PRORP: variants seen among roughly 807,000 people sequenced by gnomAD.
The protein encoded by PRORP is mitochondrial ribonuclease P catalytic subunit.
A neutral mutation model predicts 59.4 loss-of-function variants in PRORP; 51 were observed. The observed-to-expected ratio is 0.86, with a 90% confidence interval of 0.69 to 1.08. The LOEUF (loss-of-function observed/expected upper bound fraction) is 1.08, where lower values mean the gene tolerates loss of function less well. PRORP is among the 50% of genes least tolerant of loss of function. The pLI, the probability that PRORP is intolerant of heterozygous loss-of-function variation, is 0.00. For missense variants in PRORP, 646 were observed against 690.3 expected (o/e 0.94, Z 0.72); for synonymous variants, 231 against 245.6 (o/e 0.94, Z 0.55).
In PRORP at chr14:35,260,892, G is replaced by T. The variant is rs1053290017; in HGVS notation, c.1276-5835G>T. Among the ~76,000 whole-genome samples the T allele has an allele frequency of 3.9e-5, 6 of 152,290 alleles. No individual in the cohort carries two copies. The East Asian group carries it at 9.6e-4, about 24-fold the overall frequency. Reference sequence around the variant, plus strand: ...ATCCTCCTGCTTTACCCCGAAGTCTGTCTAGTCCTCCTGATTTCTGCAACA... The same window carrying T: ...ATCCTCCTGCTTTACCCCGAAGTCTTTCTAGTCCTCCTGATTTCTGCAACA... On this transcript the variant is annotated intron_variant, in intron 5 of 7. Coordinates refer to ENST00000534898, the MANE Select transcript of PRORP (RefSeq NM_014672.4).
intron 5 of PRORP, chr14:35,235,036 A>G (rs935406735): frequency 1.6e-5 from 6 of 374,704 alleles, no homozygotes; most frequent in African/African-American, 6.3e-5. Context: ...CTTAAGATAC[A>G]TCTTCACTGC....
intron 4 of PRORP, among the ~76,000 whole-genome samples, chr14:35,155,081 A>AG (rs1039717170): frequency 4.6e-5 from 7 of 152,134 alleles, no homozygotes; most frequent in Middle Eastern, 3.4e-3. Context: ...TTTTGTAGAG[A>AG]GGGGGTTTCA....
intron 5 of PRORP, among the ~76,000 whole-genome samples, chr14:35,190,576 G>T (rs2048858233): frequency 6.6e-6 from 1 of 151,766 alleles, no homozygotes; most frequent in African/African-American, 2.4e-5. Context: ...CATGATCTTG[G>T]CTCATTGCAA....
At chr14:35,203,262 A>G (rs2049203248) in intron 5 of PRORP, among the ~76,000 whole-genome samples, 1 of 152,166 alleles carries the variant, frequency 6.6e-6, no homozygotes. Context: ...TACTAATGAA[A>G]TTGGCACTTC....
intron 4 of PRORP, among the ~76,000 whole-genome samples, chr14:35,148,051 C>T (rs1318500541): frequency 1.3e-5 from 2 of 152,198 alleles, no homozygotes; most frequent in African/African-American, 2.4e-5. Context: ...AATTTTGAAT[C>T]CCTCCGAGTC....
intron 7 of PRORP, among the ~76,000 whole-genome samples, chr14:35,271,416 C>T (rs963769793): frequency 6.6e-6 from 1 of 151,988 alleles, no homozygotes; most frequent in Non-Finnish European, 1.5e-5. Context: ...CTCAGCCTCC[C>T]AAAGTGCTGG....
chr14:35,261,728 C>CA (rs948795661), intron 5 of PRORP, among the ~76,000 whole-genome samples: 40 of 145,878 alleles, frequency 2.7e-4, no homozygotes, highest in East Asian at 2.2e-3. Flanking sequence ...GACTCTGTCT[C>CA]AAAAAAAAAA....
intron 5 of PRORP, among the ~76,000 whole-genome samples, chr14:35,245,146 A>C (rs1051037818): frequency 6.6e-6 from 1 of 152,232 alleles, no homozygotes; most frequent in East Asian, 1.9e-4. Flanking sequence ...CAAACAGAAC[A>C]AGCTGCTGTT....
chr14:35,222,023 C>T (rs117150449), intron 5 of PRORP, among the ~76,000 whole-genome samples: 3 of 152,270 alleles, frequency 2.0e-5, no homozygotes, highest in Admixed American at 1.3e-4. Flanking sequence ...ACCATTTCCA[C>T]CTGAACGTAA....
At chr14:35,132,784 CAA>C (rs142694889) in intron 4 of PRORP, among the ~76,000 whole-genome samples, 91 of 72,472 alleles carry the variant, frequency 1.3e-3, no homozygotes, top group Admixed American at 1.9e-3. Flanking sequence ...GAGACTCCAT[CAA>C]AAAAAAAAAA....
At chr14:35,178,987 C>G (rs1028432622) in intron 4 of PRORP, among the ~76,000 whole-genome samples, 1 of 152,094 alleles carries the variant, frequency 6.6e-6, no homozygotes, top group African/African-American at 2.4e-5. Flanking sequence ...TTTTATTTCT[C>G]CTCCACTTAT....
chr14:35,154,574 A>G (rs903334950), intron 4 of PRORP, among the ~76,000 whole-genome samples: 1 of 152,186 alleles, frequency 6.6e-6, no homozygotes, highest in Non-Finnish European at 1.5e-5. Context: ...TCTAGAGCTC[A>G]CTACTAATTT....
chr14:35,200,539 C>T (rs1484640755), intron 5 of PRORP, among the ~76,000 whole-genome samples: 1 of 151,840 alleles, frequency 6.6e-6, no homozygotes, highest in Non-Finnish European at 1.5e-5. Flanking sequence ...TTTAGCATCT[C>T]CATTTCTTAT....
intron 5 of PRORP, among the ~76,000 whole-genome samples, chr14:35,236,399 A>G (rs1419587506): frequency 6.6e-6 from 1 of 151,862 alleles, no homozygotes; most frequent in Non-Finnish European, 1.5e-5. Flanking sequence ...CCTCATCTAA[A>G]CCTCTCAAAA....
At chr14:35,231,666 A>G (rs2050085277) in intron 5 of PRORP, among the ~76,000 whole-genome samples, 1 of 152,116 alleles carries the variant, frequency 6.6e-6, no homozygotes, top group Non-Finnish European at 1.5e-5. Flanking sequence ...AGAGGCGCCA[A>G]CTCTCTTGAA....
rs1050553944 is a variant in PRORP at position 35,204,690 on chromosome 14, C to T, written c.1275+23913C>T. Among the ~76,000 whole-genome samples, 7 of 152,102 alleles carry T rather than the reference C, an allele frequency of 4.6e-5. No individual in the cohort carries two copies. The South Asian group carries it at 8.3e-4, about 18-fold the overall frequency. On this transcript the variant is annotated intron_variant, in intron 5 of 7. Transcript: ENST00000534898. ...CTGTAGCAGAAGACAATATCAGCAA[C>T]GTGTTCATTGTACCGGTAACTCTAT...
chr14:35,161,716 T>G (rs2048064455), intron 4 of PRORP, among the ~76,000 whole-genome samples: 1 of 151,936 alleles, frequency 6.6e-6, no homozygotes, highest in Non-Finnish European at 1.5e-5. Context: ...GGAAGAAGAG[T>G]GGGATTAAAA....
chr14:35,180,772 C>G lies in PRORP; in HGVS notation c.1270C>G (p.Gln424Glu). 1 of 1,586,440 alleles carries G rather than the reference C, an allele frequency of 6.3e-7. No individual in the cohort carries two copies. The highest frequency in any genetic ancestry group is 1.1e-5 in the South Asian group (1 of 90,204). ...AKMFPKVRES[Q>E]LLLNVVSQLA... ...AATGTTTCCTAAAGTTCGTGAATCTCAACTTGTAAGTATAAGTTTTACTTT... is the reference window on the plus strand; with the variant it reads ...AATGTTTCCTAAAGTTCGTGAATCTGAACTTGTAAGTATAAGTTTTACTTT... The change falls in exon 5 of 8, where the codon CAA (glutamine) becomes GAA (glutamate). Residue 424 changes from glutamine (Q) to glutamate (E), a missense_variant. Coordinates refer to ENST00000534898, the MANE Select transcript of PRORP (RefSeq NM_014672.4).
At chr14:35,266,176 C>G (rs2415282) in intron 5 of PRORP, among the ~76,000 whole-genome samples, 151,680 of 152,134 alleles carry the variant, frequency 1, 75,613 homozygotes, top group Middle Eastern at 1. Flanking sequence ...AATTAGTTGG[C>G]TGTGGTGGCG....
Sources: gnomAD v4.1 joint callset for allele counts (sites outside exome capture counted in the v4.1 genomes callset) on GRCh38, gnomAD v4.1.1 for gene constraint, MANE v1.5 for transcripts, NCBI Gene and HGNC (gene_info 2026-07-23, HGNC 2026-07-21) for gene names.